The following STXBP5L variants were observed in gnomAD, a reference collection of about 807,000 sequenced individuals.
The protein encoded by STXBP5L is syntaxin binding protein 5L.
In STXBP5L, 65 loss-of-function variants were observed where a neutral mutation model predicts 144.5. That is an observed-to-expected ratio of 0.45 (90% CI 0.37 to 0.55). The LOEUF (loss-of-function observed/expected upper bound fraction) is 0.55. Among genes scored for constraint, STXBP5L ranks in the 20% least tolerant of loss-of-function variants. STXBP5L has a pLI of 0.00. For missense variants in STXBP5L, 1,298 were observed against 1,405.5 expected (o/e 0.92, Z 1.22); for synonymous variants, 505 against 469.6 (o/e 1.08, Z -0.97).
intron 9 of STXBP5L, among the ~76,000 whole-genome samples, chr3:121,177,747 T>C (rs781317677): frequency 6.6e-6 from 1 of 152,158 alleles, no homozygotes; most frequent in Non-Finnish European, 1.5e-5. Context: ...AAAGTAGACT[T>C]ACTATTTGAT....
intron 11 of STXBP5L, among the ~76,000 whole-genome samples, chr3:121,230,355 G>T (rs2049264337): frequency 6.6e-6 from 1 of 151,262 alleles, no homozygotes; most frequent in Non-Finnish European, 1.5e-5. Flanking sequence ...AAAAGTGCCT[G>T]GTCTTATTTG....
intron 2 of STXBP5L, among the ~76,000 whole-genome samples, chr3:120,941,842 C>T (rs1345164448): frequency 1.3e-5 from 2 of 151,516 alleles, no homozygotes; most frequent in Non-Finnish European, 3.0e-5. Context: ...TATCATTCGT[C>T]AATAACTTTG....
At chr3:121,019,035 A>G (rs1289847520) in intron 3 of STXBP5L, among the ~76,000 whole-genome samples, 1 of 152,212 alleles carries the variant, frequency 6.6e-6, no homozygotes, top group Non-Finnish European at 1.5e-5. Flanking sequence ...GAGGGGGCAC[A>G]GTGGGAGTGA....
intron 3 of STXBP5L, among the ~76,000 whole-genome samples, chr3:120,986,979 G>C (rs1942348812): frequency 6.6e-6 from 1 of 151,868 alleles, no homozygotes; most frequent in Non-Finnish European, 1.5e-5. Flanking sequence ...TGTGTATAGT[G>C]GGAATCCCAG....
intron 7 of STXBP5L, among the ~76,000 whole-genome samples, chr3:121,127,625 C>A (rs534643508): frequency 1.3e-5 from 2 of 151,280 alleles, no homozygotes; most frequent in Non-Finnish European, 3.0e-5. Context: ...CACCCTAAAT[C>A]CAGAATGATT....
chr3:121,348,330 G>T (rs1038418198), intron 20 of STXBP5L, among the ~76,000 whole-genome samples: 3 of 152,018 alleles, frequency 2.0e-5, no homozygotes, highest in Non-Finnish European at 2.9e-5. Context: ...GTGGATAAGG[G>T]TTTTGATGTG....
chr3:121,150,925 T>C (rs1559800028), intron 7 of STXBP5L, among the ~76,000 whole-genome samples: 1 of 151,842 alleles, frequency 6.6e-6, no homozygotes, highest in African/African-American at 2.4e-5. Flanking sequence ...CCATCTCTAC[T>C]AAAAATACAA....
chr3:121,004,577 C>T (rs539627594), intron 3 of STXBP5L, among the ~76,000 whole-genome samples: 1 of 152,082 alleles, frequency 6.6e-6, no homozygotes, highest in East Asian at 1.9e-4. Flanking sequence ...GCCAGAACTT[C>T]CAACACTATG....
chr3:121,229,268 A>T (rs114448693), intron 11 of STXBP5L, among the ~76,000 whole-genome samples: 1 of 152,126 alleles, frequency 6.6e-6, no homozygotes, highest in Admixed American at 6.6e-5. Context: ...TACTATTTAC[A>T]GTTCCTTTCT....
At chr3:121,054,030 A>G (rs1247630643) in intron 5 of STXBP5L, among the ~76,000 whole-genome samples, 1 of 152,150 alleles carries the variant, frequency 6.6e-6, no homozygotes. Flanking sequence ...GCAAATCAAA[A>G]CCACAATGAG....
At chr3:121,361,213 A>T (rs1312559874) in intron 20 of STXBP5L, among the ~76,000 whole-genome samples, 1 of 152,078 alleles carries the variant, frequency 6.6e-6, no homozygotes, top group Admixed American at 6.6e-5. Flanking sequence ...CTACTTTTAG[A>T]GTCCTTTCTT....
At chr3:121,406,887 T>G (rs2047004564) in intron 22 of STXBP5L, among the ~76,000 whole-genome samples, 1 of 152,034 alleles carries the variant, frequency 6.6e-6, no homozygotes, top group African/African-American at 2.4e-5. Context: ...GGGGACTATA[T>G]AGTATAATGA....
chr3:121,113,572 A>G (rs1003772496), intron 5 of STXBP5L, among the ~76,000 whole-genome samples: 2 of 152,084 alleles, frequency 1.3e-5, no homozygotes, highest in Non-Finnish European at 2.9e-5. Context: ...TAATATATGA[A>G]GTTTGGTTCA....
At chr3:121,405,737 C>G (rs543699063) in intron 22 of STXBP5L, among the ~76,000 whole-genome samples, 1 of 152,018 alleles carries the variant, frequency 6.6e-6, no homozygotes, top group Non-Finnish European at 1.5e-5. Flanking sequence ...GAATTCTAAA[C>G]GATTAATAAT....
At chr3:121,386,871 G>A (rs546077585) in intron 22 of STXBP5L, among the ~76,000 whole-genome samples, 1 of 152,320 alleles carries the variant, frequency 6.6e-6, no homozygotes, top group South Asian at 2.1e-4. Context: ...ACATACGTGT[G>A]CATGCATCTT....
At chr3:121,053,379 G>T (rs914992628) in intron 5 of STXBP5L, among the ~76,000 whole-genome samples, 1 of 152,194 alleles carries the variant, frequency 6.6e-6, no homozygotes, top group East Asian at 1.9e-4. Context: ...GCATGGTACT[G>T]GTACCAAAAC....
intron 14 of STXBP5L, among the ~76,000 whole-genome samples, chr3:121,243,316 G>C (rs1018036366): frequency 6.6e-6 from 1 of 152,072 alleles, no homozygotes; most frequent in Non-Finnish European, 1.5e-5. Context: ...ACAAGTTCCT[G>C]AAAGAAACTG....
intron 5 of STXBP5L, among the ~76,000 whole-genome samples, chr3:121,052,330 G>A (rs1473835345): frequency 3.9e-5 from 6 of 152,096 alleles, no homozygotes; most frequent in African/African-American, 4.8e-5. Context: ...GATGAACATC[G>A]ATGCAAAAAT....
At chr3:121,359,448 T>A (rs964326676) in intron 20 of STXBP5L, among the ~76,000 whole-genome samples, 1 of 152,138 alleles carries the variant, frequency 6.6e-6, no homozygotes, top group East Asian at 1.9e-4. Context: ...TGTGCTGAGT[T>A]TTTTAACTTG....
Sources: allele counts gnomAD v4.1 joint callset (sites outside exome capture counted in the v4.1 genomes callset), GRCh38; gene constraint gnomAD v4.1.1; transcripts MANE v1.5; gene names NCBI Gene and HGNC (gene_info 2026-07-23, HGNC 2026-07-21).